The following NPAS4 variants were observed in gnomAD, a reference collection of about 807,000 sequenced individuals.
The protein encoded by NPAS4 is neuronal PAS domain protein 4.
In NPAS4, 10 loss-of-function variants were observed where a neutral mutation model predicts 64.0. The ratio of observed to expected loss-of-function variants is 0.16; its 90% CI spans 0.10 to 0.26. The LOEUF is 0.26. Among genes scored for constraint, NPAS4 ranks in the 10% least tolerant of loss-of-function variants. NPAS4 has a pLI of 1.00. For missense variants in NPAS4, 886 were observed against 992.6 expected, an observed-to-expected ratio of 0.89 and a Z score of 1.44; for synonymous variants, 441 against 411.7, an observed-to-expected ratio of 1.07 and a Z score of -0.86.
upstream of NPAS4, among the ~76,000 whole-genome samples, chr11:66,420,011 C>G (rs1335642945): frequency 6.6e-6 from 1 of 152,234 alleles, no homozygotes; most frequent in African/African-American, 2.4e-5. Flanking sequence ...CCCGCCGCAG[C>G]CGCGGCAGCC....
chr11:66,418,224 G>T (rs191981915), upstream of NPAS4, among the ~76,000 whole-genome samples: 51 of 152,250 alleles, frequency 3.3e-4, no homozygotes, highest in Admixed American at 5.2e-4. Context: ...CCCATCTCAG[G>T]CTTCTAATTC....
the NPAS4 span, among the ~76,000 whole-genome samples, chr11:66,412,251 G>A: frequency 6.6e-6 from 1 of 152,258 alleles, no homozygotes; most frequent in Non-Finnish European, 1.5e-5. Context: ...AGGGTGTGTT[G>A]GGCCCGGCCC....
At chr11:66,415,341 G>A in the NPAS4 span, among the ~76,000 whole-genome samples, 2 of 152,186 alleles carry the variant, frequency 1.3e-5, no homozygotes, top group African/African-American at 2.4e-5. Context: ...CAGTAAAGGG[G>A]GCTGAAATGA....
chr11:66,409,200 T>G, the NPAS4 span: 1 of 150,470 alleles, frequency 6.6e-6, no homozygotes, highest in African/African-American at 2.4e-5. Context: ...GCCTGGGAGC[T>G]GCCCCCGCCC....
At chr11:66,413,802 G>T in the NPAS4 span, among the ~76,000 whole-genome samples, 33 of 152,194 alleles carry the variant, frequency 2.2e-4, no homozygotes, top group East Asian at 6.0e-3. Flanking sequence ...CCCTCCTTTT[G>T]CTCTCCCCAA....
At chr11:66,422,590 C>T in intron 3 of NPAS4, 37 bp downstream of exon 3, 1 of 1,600,566 alleles carries the variant, frequency 6.2e-7, no homozygotes, top group Admixed American at 1.7e-5. Context: ...GTCCAATTTC[C>T]CACCTGCTGC....
chr11:66,416,897 A>G (rs1383666330), upstream of NPAS4: 3 of 152,090 alleles, frequency 2.0e-5, no homozygotes, highest in Admixed American at 1.3e-4. Flanking sequence ...TGCTGTTCTG[A>G]AGAAGCAGAT....
rs758293148 is a variant in NPAS4, at chr11:66,425,066, T to G, written c.2176T>G (p.Trp726Gly). The G allele has an allele frequency of 6.2e-7, 1 of 1,609,002 alleles. No individual in the cohort carries two copies. Among genetic ancestry groups the G allele is most frequent in the Non-Finnish European group, 8.5e-7 (1 of 1,177,682 alleles). ...CTCTACCCCAGATCCCAGTGAGGAA[T>G]GGGGCTCAGGGGATCCTGAGGCAGA... ...DLSTPDPSEE[W>G]GSGDPEAEGP... is the part of the protein sequence containing the mutation. Residue 726 changes from tryptophan to glycine, a missense_variant, in exon 7 of 8, where the codon TGG becomes GGG. Transcript: ENST00000311034.
At position 66,422,760 on chromosome 11, in the gene NPAS4, T is replaced by A. The variant is rs139242618; in HGVS notation, c.517T>A (p.Phe173Ile). Residue 173 changes from phenylalanine (F) to isoleucine (I), a missense_variant, in exon 4 of 8, where the codon TTC becomes ATC. Phe to Ile is a conservative substitution (Grantham distance 21). Coordinates refer to ENST00000311034, the MANE Select transcript of NPAS4 (RefSeq NM_178864.4). Reference sequence around the variant, plus strand: ...CAAACTCGTGCTTATTCGAGGCCGATTCCATGCTCACCCACCTGGAGCCTA... The same window carrying A: ...CAAACTCGTGCTTATTCGAGGCCGAATCCATGCTCACCCACCTGGAGCCTA... ...GNKLVLIRGRFHAHPPGAYWA... is the reference protein window; with the variant it reads ...GNKLVLIRGRIHAHPPGAYWA... 1.2e-6 allele frequency: 2 copies of A among 1,614,186 alleles called. No individual in the cohort carries two copies. Among genetic ancestry groups the A allele is most frequent in the Non-Finnish European group, 1.7e-6 (2 of 1,180,032 alleles).
chr11:66,422,283 G>C lies in NPAS4; in HGVS notation c.327+12G>C. ...TGGGCCACTCCATGGTGAGTGCTAA[G>C]GGTCCTTTCAGCTGAGGCTGGGCAT... On this transcript the variant is annotated intron_variant, in intron 2 of 7. Transcript: ENST00000311034. 6.2e-7 allele frequency: 1 copy of C among 1,613,758 alleles called. No individual in the cohort carries two copies. The highest frequency in any genetic ancestry group is 8.5e-7 in the Non-Finnish European group (1 of 1,179,828).
intron 7 of NPAS4, 49 bp from the exon 8 acceptor site, chr11:66,425,911 TG>T: frequency 7.2e-7 from 1 of 1,391,562 alleles, no homozygotes; most frequent in East Asian, 2.3e-5. Flanking sequence ...CAGGATCCTC[TG>T]TGCTAATTGG....
chr11:66,412,781 G>T, the NPAS4 span, among the ~76,000 whole-genome samples: 1 of 152,184 alleles, frequency 6.6e-6, no homozygotes, highest in Non-Finnish European at 1.5e-5. Context: ...GCAGTCTGTG[G>T]AGGAGGCAGG....
intron 2 of NPAS4, 84 bp downstream of exon 2, chr11:66,422,355 T>C: frequency 6.6e-7 from 1 of 1,507,936 alleles, no homozygotes; most frequent in Non-Finnish European, 9.2e-7. Context: ...TGGGAATTAC[T>C]ATGGAGGGAG....
the NPAS4 span, among the ~76,000 whole-genome samples, chr11:66,412,949 G>T: frequency 6.6e-6 from 1 of 152,316 alleles, no homozygotes; most frequent in Non-Finnish European, 1.5e-5. Context: ...CCTCTTCTCT[G>T]AGGAACATCT....
chr11:66,421,445 G>T, intron 1 of NPAS4, 91 bp downstream of exon 1: 1 of 1,206,996 alleles, frequency 8.3e-7, no homozygotes, highest in Non-Finnish European at 1.2e-6. Context: ...GCATGTCTAG[G>T]GCAGCGTGCT....
upstream of NPAS4, among the ~76,000 whole-genome samples, chr11:66,419,948 G>A (rs941017603): frequency 1.8e-4 from 27 of 152,264 alleles, 1 homozygote; most frequent in Non-Finnish European, 1.6e-4. Context: ...CATCTTGCCC[G>A]CCTAGGCAGG....
the NPAS4 span, among the ~76,000 whole-genome samples, chr11:66,412,908 T>C: frequency 6.6e-5 from 10 of 152,288 alleles, no homozygotes; most frequent in African/African-American, 2.2e-4. Context: ...CCTTCAAACA[T>C]CTGCAAATGC....
chr11:66,424,909 C>T lies in NPAS4; in HGVS notation c.2019C>T (p.Ser673=). ...TGGAGCCCCTGGACTCCAACCTGTC[C>T]CTGTCAGGGGCAGGCCCCCCTGTGC... ...GGLEPLDSNL[S]LSGAGPPVLS... is the part of the protein sequence containing the mutation. The change falls in exon 7 of 8, where the codon TCC becomes TCT. Residue 673 remains serine (S), a synonymous_variant. Transcript: ENST00000311034. The T allele has an allele frequency of 2.5e-6, 4 of 1,613,846 alleles. No homozygotes were observed. The highest frequency in any genetic ancestry group is 3.4e-6 in the Non-Finnish European group (4 of 1,179,956).
the NPAS4 span, among the ~76,000 whole-genome samples, chr11:66,414,181 A>G: frequency 6.6e-6 from 1 of 152,166 alleles, no homozygotes; most frequent in African/African-American, 2.4e-5. Context: ...GAGGACCAGA[A>G]GGGCCAGAAT....
Sources: allele counts gnomAD v4.1 joint callset (sites outside exome capture counted in the v4.1 genomes callset), GRCh38; gene constraint gnomAD v4.1.1; transcripts MANE v1.5; gene names NCBI Gene and HGNC (gene_info 2026-07-23, HGNC 2026-07-21).